The following CCDC148 variants were observed in gnomAD, a reference collection of about 807,000 sequenced individuals.
The protein encoded by CCDC148 is coiled-coil domain-containing protein 148.
In CCDC148, 89 loss-of-function variants were observed where a neutral mutation model predicts 85.7. The ratio of observed to expected loss-of-function variants is 1.04; its 90% CI spans 0.87 to 1.24. The LOEUF (loss-of-function observed/expected upper bound fraction) is 1.24. Among genes scored for constraint, CCDC148 ranks in the 50% most tolerant of loss-of-function variants. CCDC148 has a pLI of 0.00. For missense variants in CCDC148, 692 were observed against 671.7 expected, an observed-to-expected ratio of 1.03 and a Z score of -0.33; for synonymous variants, 230 against 213.9, an observed-to-expected ratio of 1.08 and a Z score of -0.66.
At chr2:158,425,259 G>A in intron 1 of CCDC148, 1 of 537,840 alleles carries the variant, frequency 1.9e-6, no homozygotes, top group Non-Finnish European at 3.7e-6. Flanking sequence ...TTATGGCAAG[G>A]CATCTCCAGG....
intron 1 of CCDC148, among the ~76,000 whole-genome samples, chr2:158,410,505 T>A (rs966823132): frequency 6.6e-6 from 1 of 152,196 alleles, no homozygotes. Context: ...TTCTCTCATA[T>A]CTTTTGTGTA....
chr2:158,252,039 C>T (rs1271530208), intron 9 of CCDC148, among the ~76,000 whole-genome samples: 2 of 151,684 alleles, frequency 1.3e-5, no homozygotes, highest in African/African-American at 4.8e-5. Context: ...ATACATCTGG[C>T]TAAGGAAGCA....
At chr2:158,439,954 G>A (rs532233366) in intron 1 of CCDC148, among the ~76,000 whole-genome samples, 1 of 152,170 alleles carries the variant, frequency 6.6e-6, no homozygotes, top group South Asian at 2.1e-4. Flanking sequence ...TCCACCTCCT[G>A]GGATGAAGCA....
chr2:158,220,561 C>T (rs1446169270), intron 11 of CCDC148, 34 bp downstream of exon 11: 2 of 1,452,416 alleles, frequency 1.4e-6, no homozygotes, highest in Admixed American at 1.8e-5. Flanking sequence ...CATTCACCAC[C>T]TCCATTACCA....
intron 9 of CCDC148, 147 bp from the exon 10 acceptor site, chr2:158,251,059 G>A (rs1219305985): frequency 1.4e-5 from 9 of 646,726 alleles, no homozygotes; most frequent in Non-Finnish European, 2.2e-5. Flanking sequence ...ACTGTGTGAT[G>A]TATCTGTGAA....
intron 1 of CCDC148, 88 bp from the exon 2 acceptor site, chr2:158,358,658 A>G: frequency 1.3e-6 from 1 of 775,446 alleles, no homozygotes; most frequent in Non-Finnish European, 1.8e-6. Context: ...TGTTGACTTC[A>G]GATCTTATTT....
rs1684322611 is a variant in CCDC148 at position 158,171,542 on chromosome 2, T to C, written c.*571A>G. On this transcript the variant is annotated 3_prime_UTR_variant, in exon 14 of 14. Coordinates refer to ENST00000283233, the MANE Select transcript of CCDC148 (RefSeq NM_138803.4). ...ACAGATATTCCCATGCTTGAAATGC[T>C]ATTTCTAATTTCTAATTTATTCTTA... 6.6e-6 allele frequency: 1 copy of C among 151,998 alleles called. No individual in the cohort carries two copies. Among genetic ancestry groups the C allele is most frequent in the Admixed American group, 6.6e-5 (1 of 15,214 alleles). 9.4% of individuals were successfully genotyped at this position (151,998 alleles called of 1,614,324 possible). A position where few individuals can be genotyped will look rare whatever the true frequency, so the allele number is the denominator to read the frequency against.
chr2:158,212,972 A>C (rs1260069909), intron 11 of CCDC148, among the ~76,000 whole-genome samples: 3 of 152,194 alleles, frequency 2.0e-5, no homozygotes, highest in Admixed American at 1.3e-4. Context: ...GTGTAGAAAG[A>C]ACTTTAGTAC....
intron 1 of CCDC148, among the ~76,000 whole-genome samples, chr2:158,383,806 G>A (rs570704034): frequency 2.6e-4 from 39 of 152,074 alleles, no homozygotes; most frequent in Non-Finnish European, 4.4e-4. Context: ...ATTTACCATC[G>A]ATAACTTTAC....
intron 11 of CCDC148, among the ~76,000 whole-genome samples, chr2:158,183,114 A>C (rs1467671711): frequency 1.3e-5 from 2 of 152,282 alleles, no homozygotes; most frequent in South Asian, 2.1e-4. Flanking sequence ...AAAGTGCTGC[A>C]AAAGAGGCAT....
At chr2:158,288,907 G>A in intron 9 of CCDC148, 1 of 284,430 alleles carries the variant, frequency 3.5e-6, no homozygotes, top group Admixed American at 4.2e-5. Context: ...ATCATGTCAG[G>A]AGGCAAAAGG....
intron 7 of CCDC148, among the ~76,000 whole-genome samples, chr2:158,336,025 T>C (rs780327451): frequency 3.6e-4 from 55 of 152,308 alleles, no homozygotes; most frequent in Middle Eastern, 6.8e-3. Context: ...CAATGCCCCC[T>C]GGATATTTCA....
chr2:158,431,431 A>C (rs185583608), intron 1 of CCDC148, among the ~76,000 whole-genome samples: 57 of 152,084 alleles, frequency 3.7e-4, no homozygotes, highest in Non-Finnish European at 1.5e-5. Context: ...GTAAGAAACT[A>C]TACAAGTCAA....
chr2:158,411,953 G>A (rs1686279634), intron 1 of CCDC148, among the ~76,000 whole-genome samples: 1 of 152,162 alleles, frequency 6.6e-6, no homozygotes, highest in Non-Finnish European at 1.5e-5. Flanking sequence ...CATCACTGCT[G>A]GGGCTGGGAG....
intron 11 of CCDC148, among the ~76,000 whole-genome samples, chr2:158,204,496 T>C (rs188547469): frequency 1.3e-5 from 2 of 152,320 alleles, no homozygotes; most frequent in East Asian, 3.9e-4. Context: ...ATAGGAAGTC[T>C]GGCTCCTCTG....
At chr2:158,280,976 C>T (rs1690259268) in intron 9 of CCDC148, among the ~76,000 whole-genome samples, 1 of 152,184 alleles carries the variant, frequency 6.6e-6, no homozygotes, top group Admixed American at 6.5e-5. Context: ...AAGGAACTCA[C>T]TCAAAACTGC....
At chr2:158,397,239 C>T (rs1222892421) in intron 1 of CCDC148, among the ~76,000 whole-genome samples, 1 of 152,030 alleles carries the variant, frequency 6.6e-6, no homozygotes, top group African/African-American at 2.4e-5. Context: ...TGAAGCTAGA[C>T]AAGGCAGGCC....
chr2:158,433,278 A>ATAT (rs1193160417), intron 1 of CCDC148, among the ~76,000 whole-genome samples: 1 of 127,632 alleles, frequency 7.8e-6, no homozygotes, highest in Non-Finnish European at 1.8e-5. Flanking sequence ...ATATATATAT[A>ATAT]AAACAAAAGC....
At chr2:158,433,182 C>T (rs1325476474) in intron 1 of CCDC148, among the ~76,000 whole-genome samples, 1 of 142,942 alleles carries the variant, frequency 7.0e-6, no homozygotes, top group African/African-American at 2.5e-5. Context: ...ATTGTTCAGG[C>T]CTAGGAAGTC....
Sources: allele counts gnomAD v4.1 joint callset (sites outside exome capture counted in the v4.1 genomes callset), GRCh38; gene constraint gnomAD v4.1.1; transcripts MANE v1.5; gene names NCBI Gene and HGNC (gene_info 2026-07-23, HGNC 2026-07-21).